Variants in ERBIN observed in about 807,000 individuals in gnomAD.
ERBIN encodes the protein densin-180-like protein.
Under a neutral mutation model 158.4 loss-of-function variants are expected in ERBIN, and 60 were observed. The ratio of observed to expected loss-of-function variants is 0.38; its 90% confidence interval spans 0.31 to 0.47. The LOEUF (loss-of-function observed/expected upper bound fraction) is 0.47. Ranked by LOEUF, ERBIN falls within the 20% of genes least tolerant of loss-of-function variation. The pLI is 0.99. For synonymous variants in ERBIN, 594 were observed against 557.2 expected (o/e 1.07, Z -0.93); for missense variants, 1,610 against 1,648.0 (o/e 0.98, Z 0.40).
intron 14 of ERBIN, 99 bp downstream of exon 14, chr5:66,028,442 TG>T: frequency 2.8e-5 from 22 of 794,996 alleles, no homozygotes; most frequent in Non-Finnish European, 4.1e-5. Context: ...GCTATACATG[TG>T]GTACACATGT....
chr5:66,038,561 G>A (rs572093522), intron 15 of ERBIN, 79 bp downstream of exon 15: 3 of 1,080,742 alleles, frequency 2.8e-6, no homozygotes, highest in African/African-American at 3.2e-5. Context: ...AAGTCTCAGA[G>A]ACTTTTACCA....
chr5:65,992,534 T>C (rs1751988004), intron 2 of ERBIN, among the ~76,000 whole-genome samples, 176 bp from the exon 3 acceptor site: 1 of 152,200 alleles, frequency 6.6e-6, no homozygotes, highest in African/African-American at 2.4e-5. Flanking sequence ...TAATTTGAAA[T>C]CCAGTAGTTA....
At chr5:66,069,139 T>A in intron 21 of ERBIN, 1 of 870,686 alleles carries the variant, frequency 1.1e-6, no homozygotes, top group Non-Finnish European at 1.6e-6. Context: ...CTTGATTTCC[T>A]CTGAGTTCTT....
intron 14 of ERBIN, among the ~76,000 whole-genome samples, chr5:66,031,606 AG>A (rs1756885417): frequency 6.6e-6 from 1 of 152,172 alleles, no homozygotes; most frequent in South Asian, 2.1e-4. Context: ...CTGAGGTGGG[AG>A]GATCTTTTGA....
intron 1 of ERBIN, among the ~76,000 whole-genome samples, chr5:65,946,815 A>T (rs1745818353): frequency 6.6e-6 from 1 of 151,536 alleles, no homozygotes; most frequent in Non-Finnish European, 1.5e-5. Flanking sequence ...ACTATTTTAA[A>T]AACTATTCTT....
intron 1 of ERBIN, among the ~76,000 whole-genome samples, chr5:65,934,833 T>C (rs1743888961): frequency 6.6e-6 from 1 of 152,240 alleles, no homozygotes. Flanking sequence ...AAGGACATAA[T>C]GCATTACTAT....
At chr5:65,955,628 A>G (rs1484961956) in intron 1 of ERBIN, among the ~76,000 whole-genome samples, 2 of 150,032 alleles carry the variant, frequency 1.3e-5, no homozygotes, top group African/African-American at 5.1e-5. Flanking sequence ...CATCTCAACA[A>G]ACAAACAAAC....
intron 3 of ERBIN, among the ~76,000 whole-genome samples, chr5:65,993,504 G>T (rs944998680): frequency 6.6e-6 from 1 of 151,662 alleles, no homozygotes. Context: ...ACTTTTTTCA[G>T]TGTACTTTTT....
intron 1 of ERBIN, among the ~76,000 whole-genome samples, chr5:65,956,386 T>C (rs923889286): frequency 1.5e-4 from 9 of 59,824 alleles, no homozygotes; most frequent in Admixed American, 7.3e-4. Context: ...TTTTTTTTTT[T>C]TTTTTGAGAT....
intron 7 of ERBIN, among the ~76,000 whole-genome samples, chr5:66,017,968 G>A (rs1754970985): frequency 6.6e-6 from 1 of 151,862 alleles, no homozygotes; most frequent in Non-Finnish European, 1.5e-5. Flanking sequence ...TCTTCTTGGC[G>A]CCTTTTTCTA....
chr5:66,028,376 TC>T (rs746418019), intron 14 of ERBIN, 33 bp downstream of exon 14: 1 of 1,567,420 alleles, frequency 6.4e-7, no homozygotes, highest in East Asian at 2.3e-5. Context: ...TTAATGGAGT[TC>T]TTATTTGTGT....
At chr5:66,028,211 C>G in intron 13 of ERBIN, 63 bp from the exon 14 acceptor site, 1 of 1,247,724 alleles carries the variant, frequency 8.0e-7, no homozygotes, top group South Asian at 1.3e-5. Context: ...TAGGTTGAAC[C>G]CTCATTCATT....
At chr5:65,955,169 G>A (rs530544927) in intron 1 of ERBIN, among the ~76,000 whole-genome samples, 1 of 152,206 alleles carries the variant, frequency 6.6e-6, no homozygotes, top group African/African-American at 2.4e-5. Flanking sequence ...TTTAAAAAAT[G>A]CCAACCATTT....
chr5:65,960,604 T>A (rs1392530857), intron 1 of ERBIN, among the ~76,000 whole-genome samples: 1 of 152,208 alleles, frequency 6.6e-6, no homozygotes, highest in Admixed American at 6.5e-5. Context: ...AATCACTGAT[T>A]AGATGCTTTT....
chr5:66,003,117 C>T (rs1336384742), intron 4 of ERBIN, among the ~76,000 whole-genome samples: 2 of 152,102 alleles, frequency 1.3e-5, no homozygotes, highest in East Asian at 1.9e-4. Context: ...TTGCAATTTC[C>T]GGTTAGTTTT....
chr5:65,957,025 G>C (rs1486790188), intron 1 of ERBIN, among the ~76,000 whole-genome samples: 1 of 152,028 alleles, frequency 6.6e-6, no homozygotes, highest in Non-Finnish European at 1.5e-5. Context: ...GTAGTTGTTT[G>C]GATGAGTCAG....
intron 14 of ERBIN, among the ~76,000 whole-genome samples, chr5:66,031,221 A>T (rs967546038): frequency 1.3e-5 from 2 of 152,244 alleles, no homozygotes; most frequent in African/African-American, 4.8e-5. Flanking sequence ...ATGTTTATGA[A>T]AATAAATTGC....
intron 1 of ERBIN, among the ~76,000 whole-genome samples, chr5:65,951,549 A>G (rs918122009): frequency 6.6e-6 from 1 of 152,228 alleles, no homozygotes; most frequent in African/African-American, 2.4e-5. Context: ...TAGTAAATTC[A>G]GTAGGCTTAG....
chr5:66,060,791 G>A (rs185739484), intron 21 of ERBIN, among the ~76,000 whole-genome samples: 8 of 152,044 alleles, frequency 5.3e-5, no homozygotes, highest in Admixed American at 2.6e-4. Context: ...CCTTCATTTC[G>A]TTAGGTACCC....
Sources: allele counts gnomAD v4.1 joint callset (sites outside exome capture counted in the v4.1 genomes callset), GRCh38; gene constraint gnomAD v4.1.1; transcripts MANE v1.5; gene names NCBI Gene and HGNC (gene_info 2026-07-23, HGNC 2026-07-21).